The following THOC7 variants were observed in gnomAD, a reference collection of about 807,000 sequenced individuals.
THOC7 encodes the protein THO complex subunit 7.
In THOC7, 22 loss-of-function variants were observed where a neutral mutation model predicts 33.1. The ratio of observed to expected loss-of-function variants is 0.66; its 90% confidence interval spans 0.47 to 0.95. The LOEUF (loss-of-function observed/expected upper bound fraction) is 0.95, where lower values mean the gene tolerates loss of function less well. THOC7 is among the 40% of genes least tolerant of loss of function. THOC7 has a pLI of 0.00. For missense variants in THOC7, 184 were observed against 245.3 expected, an observed-to-expected ratio of 0.75 and a Z score of 1.67; for synonymous variants, 77 against 76.8, an observed-to-expected ratio of 1.00 and a Z score of -0.01.
At position 63,837,982 on chromosome 3, in the gene THOC7, G is replaced by C; in HGVS notation, c.346C>G (p.Arg116Gly). 1.2e-6 allele frequency: 2 copies of C among 1,606,658 alleles called. No homozygotes were observed. The highest frequency in any genetic ancestry group is 8.5e-7 in the Non-Finnish European group (1 of 1,177,252). ...ILQAKRIRKN[R>G]QEYDALAKVI... ...AATCCCTCAAAACCCTTACCTTGGC[G>C]ATTTTTTCGTATTCGTTTTGCTTGA... Residue 116 changes from arginine to glycine, a missense_variant, in exon 4 of 8, where the codon CGC (arginine) becomes GGC (glycine). Around this residue, in one of 3 missense-constraint regions of THOC7, gnomAD observed 157 missense variants for 201.3 expected, o/e 0.78. Transcript: ENST00000295899.
At chr3:63,834,785 G>T (rs1198256943) in intron 7 of THOC7, among the ~76,000 whole-genome samples, 1 of 152,006 alleles carries the variant, frequency 6.6e-6, no homozygotes, top group Non-Finnish European at 1.5e-5. Flanking sequence ...GTTCCCCAAA[G>T]CACCCACTAC....
At chr3:63,849,935 C>G (rs1382740347) in intron 1 of THOC7, among the ~76,000 whole-genome samples, 1 of 152,166 alleles carries the variant, frequency 6.6e-6, no homozygotes, top group African/African-American at 2.4e-5. Context: ...TATCTCATAC[C>G]TGATACATGT....
At chr3:63,859,765 T>G (rs1312613413) in intron 1 of THOC7, among the ~76,000 whole-genome samples, 1 of 152,360 alleles carries the variant, frequency 6.6e-6, no homozygotes, top group South Asian at 2.1e-4. Flanking sequence ...CAATAAATAC[T>G]TGTTGACGGA....
chr3:63,840,547 C>T (rs2107128398), intron 1 of THOC7, among the ~76,000 whole-genome samples: 1 of 152,266 alleles, frequency 6.6e-6, no homozygotes, highest in South Asian at 2.1e-4. Flanking sequence ...GCCATGATCT[C>T]ACCACTGGAC....
At chr3:63,857,818 T>C (rs1702141779) in intron 1 of THOC7, among the ~76,000 whole-genome samples, 1 of 152,170 alleles carries the variant, frequency 6.6e-6, no homozygotes, top group Admixed American at 6.5e-5. Context: ...CATGTTGAGG[T>C]CCTTTGTCTT....
chr3:63,859,073 C>T (rs946550747), intron 1 of THOC7, among the ~76,000 whole-genome samples: 1 of 152,190 alleles, frequency 6.6e-6, no homozygotes, highest in Non-Finnish European at 1.5e-5. Context: ...GGTACTCCTC[C>T]AAGAGCTTTC....
intron 1 of THOC7, among the ~76,000 whole-genome samples, chr3:63,857,210 G>T (rs1353390051): frequency 6.6e-6 from 1 of 152,114 alleles, no homozygotes; most frequent in Non-Finnish European, 1.5e-5. Context: ...AGAGGGGAAG[G>T]TTTTCATTTT....
intron 1 of THOC7, among the ~76,000 whole-genome samples, chr3:63,852,829 T>C (rs911539315): frequency 1.3e-5 from 2 of 152,198 alleles, no homozygotes; most frequent in Admixed American, 6.5e-5. Flanking sequence ...GGAGCTAACA[T>C]GGCCTGAACT....
At chr3:63,852,365 T>C (rs1156783535) in intron 1 of THOC7, among the ~76,000 whole-genome samples, 1 of 152,052 alleles carries the variant, frequency 6.6e-6, no homozygotes, top group African/African-American at 2.4e-5. Context: ...GCAGTATAAG[T>C]GGGGTGGATG....
intron 1 of THOC7, among the ~76,000 whole-genome samples, chr3:63,857,909 T>C (rs924364661): frequency 2.0e-5 from 3 of 152,158 alleles, no homozygotes; most frequent in Non-Finnish European, 4.4e-5. Context: ...AAAAACCAAT[T>C]ATCTTGGCTA....
At position 63,836,312 on chromosome 3, in the gene THOC7, A is replaced by G. The variant is rs775342136; in HGVS notation, c.399T>C (p.His133=). ...AGCTCTACACTTACTTTAATGTCTC[A>G]TGCCTGTCTGGATGGTGCTGAATCA... is the stretch of plus-strand genomic sequence containing the variant. ...AKVIQHHPDR[H]ETLKELEALG... is the part of the protein sequence containing the mutation. Residue 133 remains histidine (H), a synonymous_variant, in exon 5 of 8, where the codon CAT becomes CAC. Coordinates refer to ENST00000295899, the MANE Select transcript of THOC7 (RefSeq NM_025075.4). 6.8e-6 allele frequency: 11 copies of G among 1,612,644 alleles called. No individual in the cohort carries two copies. The highest frequency in any genetic ancestry group is 1.7e-5 in the Admixed American group (1 of 59,962).
intron 1 of THOC7, among the ~76,000 whole-genome samples, chr3:63,859,048 C>A (rs1304368161): frequency 2.0e-5 from 3 of 152,148 alleles, no homozygotes; most frequent in Non-Finnish European, 4.4e-5. Context: ...TATGTAAGCT[C>A]CATGGACAGG....
chr3:63,863,994 C>G (rs1204987409), upstream of THOC7: 1 of 149,414 alleles, frequency 6.7e-6, no homozygotes, highest in African/African-American at 2.5e-5. Flanking sequence ...CCGCGCTCCC[C>G]GCGCTCCCGG....
intron 1 of THOC7, among the ~76,000 whole-genome samples, chr3:63,848,831 T>C (rs939705194): frequency 6.6e-6 from 1 of 152,222 alleles, no homozygotes; most frequent in African/African-American, 2.4e-5. Context: ...AGGAAACTTC[T>C]TTTTTTAAAA....
chr3:63,857,603 T>C (rs1269518359), intron 1 of THOC7, among the ~76,000 whole-genome samples: 1 of 152,122 alleles, frequency 6.6e-6, no homozygotes, highest in Non-Finnish European at 1.5e-5. Context: ...CTCAAAGCCA[T>C]TAAAACAATT....
chr3:63,843,833 G>A (rs1384541157), intron 1 of THOC7, among the ~76,000 whole-genome samples: 3 of 151,978 alleles, frequency 2.0e-5, no homozygotes, highest in African/African-American at 4.8e-5. Context: ...CCCGGGAGGC[G>A]GAGCTTGCAG....
intron 1 of THOC7, 25 bp downstream of exon 1, chr3:63,863,747 C>G: frequency 8.0e-7 from 1 of 1,249,874 alleles, no homozygotes; most frequent in Non-Finnish European, 1.0e-6. Flanking sequence ...GCAGCGGGCG[C>G]GTGTGGCGGC....
chr3:63,834,297 C>A (rs1273383921), intron 7 of THOC7, 98 bp from the exon 8 acceptor site: 1 of 1,165,938 alleles, frequency 8.6e-7, no homozygotes, highest in Non-Finnish European at 1.2e-6. Context: ...TTAGCCAATA[C>A]AATTAAAGCT....
Position 63,846,858 on chromosome 3 carries a change from T to C in THOC7, c.20-7085A>G, listed in dbSNP as rs377595455. Among the ~76,000 whole-genome samples, 43 of 152,304 alleles carry C rather than the reference T, an allele frequency of 2.8e-4. No homozygotes were observed. In the South Asian group the frequency reaches 8.9e-3, roughly 32 times the overall value. ...AGTACCCAACAAGTCCCGTCCGATC[T>C]ACTTATGGGTCAGGCAAAACCCAAA... On this transcript the variant is annotated intron_variant, in intron 1 of 7. Coordinates refer to ENST00000295899, the MANE Select transcript of THOC7 (RefSeq NM_025075.4).
Sources: gnomAD v4.1 joint callset for allele counts (sites outside exome capture counted in the v4.1 genomes callset) on GRCh38, gnomAD v4.1.1 for gene constraint, gnomAD v4.1.1 regional missense constraint, MANE v1.5 for transcripts, NCBI Gene and HGNC (gene_info 2026-07-23, HGNC 2026-07-21) for gene names.